The following SHISA9 variants were observed in gnomAD, a reference collection of about 807,000 sequenced individuals.
SHISA9 encodes shisa family member 9, also known as protein shisa-9.
A neutral mutation model predicts 38.0 loss-of-function variants in SHISA9; 13 were observed. The observed-to-expected ratio is 0.34, with a 90% CI of 0.22 to 0.54. The LOEUF is 0.54. Among genes scored for constraint, SHISA9 ranks in the 20% least tolerant of loss-of-function variants. The pLI is 0.91. For missense variants in SHISA9, 538 were observed against 575.8 expected, an observed-to-expected ratio of 0.93 and a Z score of 0.67; for synonymous variants, 275 against 242.0, an observed-to-expected ratio of 1.14 and a Z score of -1.27.
chr16:13,252,913 A>T, the SHISA9 span, among the ~76,000 whole-genome samples: 12 of 152,166 alleles, frequency 7.9e-5, no homozygotes, highest in African/African-American at 2.2e-4. Flanking sequence ...AGGTCCATTT[A>T]TACTTGCATT....
At chr16:13,160,946 A>G (rs1436486061) in intron 2 of SHISA9, among the ~76,000 whole-genome samples, 1 of 152,166 alleles carries the variant, frequency 6.6e-6, no homozygotes, top group Non-Finnish European at 1.5e-5. Context: ...CAGGGTAGAT[A>G]TTGGTATGAA....
At chr16:13,316,415 G>A in the SHISA9 span, among the ~76,000 whole-genome samples, 1 of 152,088 alleles carries the variant, frequency 6.6e-6, no homozygotes, top group Non-Finnish European at 1.5e-5. Flanking sequence ...GTTCTTTATT[G>A]AGTCCAAGTG....
chr16:13,471,121 A>C, the SHISA9 span, among the ~76,000 whole-genome samples: 1 of 152,116 alleles, frequency 6.6e-6, no homozygotes, highest in South Asian at 2.1e-4. Context: ...TGAGGCATTT[A>C]TCCACGGACT....
chr16:13,173,522 C>A (rs549555874), intron 2 of SHISA9, among the ~76,000 whole-genome samples: 1 of 152,182 alleles, frequency 6.6e-6, no homozygotes, highest in African/African-American at 2.4e-5. Context: ...GTGGACCTAA[C>A]AATCTAGATC....
At chr16:13,509,923 G>A in the SHISA9 span, among the ~76,000 whole-genome samples, 1 of 152,122 alleles carries the variant, frequency 6.6e-6, no homozygotes, top group Non-Finnish European at 1.5e-5. Context: ...CTGTGAAGTG[G>A]GAATAATAGT....
chr16:13,217,084 A>T lies in SHISA9; in HGVS notation c.895+3784A>T, dbSNP rs2051176359. On this transcript the variant is annotated intron_variant, in intron 4 of 4. Transcript: ENST00000558583. ...CAGAGGATCGAGACCATCCTGGCTA[A>T]CACGGTGAAACCCCATCTCTACTAA... Among the ~76,000 whole-genome samples the T allele has an allele frequency of 2.0e-5, 3 of 151,478 alleles. No individual in the cohort carries two copies. In the South Asian group the frequency reaches 6.3e-4, roughly 32 times the overall value.
At chr16:12,903,022 CAG>C (rs2071041486) in intron 1 of SHISA9, 2 of 188,528 alleles carry the variant, frequency 1.1e-5, no homozygotes, top group Admixed American at 5.5e-5. Context: ...TTTTGGTAAA[CAG>C]GGGCAGGCGA....
chr16:13,080,814 A>C (rs562768274), intron 2 of SHISA9, among the ~76,000 whole-genome samples: 69 of 152,320 alleles, frequency 4.5e-4, no homozygotes, highest in Admixed American at 2.0e-3. Flanking sequence ...GAGTGGCTTA[A>C]ACAACAAATA....
rs571781536 is a variant in SHISA9 at position 12,914,677 on chromosome 16, T to G, written c.564-2011T>G. 4.6e-5 allele frequency among the ~76,000 whole-genome samples: 7 copies of G among 152,292 alleles called. No individual in the cohort carries two copies. In the South Asian group the frequency reaches 1.5e-3, roughly 32 times the overall value. On this transcript the variant is annotated intron_variant, in intron 1 of 4. Transcript: ENST00000558583. ...TAATCTCTGTCTCACAGCCGAGATG[T>G]CTCCTCACCAGCTCTAGTTCTTACC...
chr16:13,173,158 C>CAA (rs2050702412), intron 2 of SHISA9, among the ~76,000 whole-genome samples: 2 of 114,474 alleles, frequency 1.7e-5, no homozygotes, highest in East Asian at 4.6e-4. Context: ...CGTGCGCACA[C>CAA]ACACACACAC....
chr16:13,198,010 C>G (rs147273771), intron 2 of SHISA9, among the ~76,000 whole-genome samples: 2,184 of 152,132 alleles, frequency 0.014, 54 homozygotes, highest in African/African-American at 0.051. Context: ...CATGGAGAAG[C>G]CCCTTCTCTA....
chr16:13,003,192 G>C (rs949510927), intron 2 of SHISA9, among the ~76,000 whole-genome samples: 8 of 152,152 alleles, frequency 5.3e-5, no homozygotes, highest in Admixed American at 3.3e-4. Flanking sequence ...AGTAGGCAAG[G>C]GTCAAACCCT....
intron 2 of SHISA9, among the ~76,000 whole-genome samples, chr16:13,061,438 G>A (rs1021370490): frequency 1.3e-5 from 2 of 152,164 alleles, no homozygotes; most frequent in Non-Finnish European, 2.9e-5. Context: ...CGCTTCGTCC[G>A]ACAATCTAAG....
the SHISA9 span, among the ~76,000 whole-genome samples, chr16:13,434,101 T>C: frequency 2.0e-5 from 3 of 151,774 alleles, no homozygotes; most frequent in African/African-American, 7.3e-5. Flanking sequence ...GATCCAAGAG[T>C]CCCAAAGCTG....
At chr16:12,908,874 C>G in intron 1 of SHISA9, 1 of 1,090,210 alleles carries the variant, frequency 9.2e-7, no homozygotes, top group Non-Finnish European at 1.1e-6. Context: ...ATTATTTTGT[C>G]CACCTTCAAA....
At chr16:12,962,839 G>A (rs1445378448) in intron 2 of SHISA9, among the ~76,000 whole-genome samples, 2 of 152,202 alleles carry the variant, frequency 1.3e-5, no homozygotes, top group African/African-American at 4.8e-5. Context: ...CCCCTTCCTA[G>A]GTGTATCTTG....
the SHISA9 span, among the ~76,000 whole-genome samples, chr16:13,272,928 C>T: frequency 4.6e-5 from 7 of 151,984 alleles, no homozygotes; most frequent in Admixed American, 6.6e-5. Context: ...GATATTTTTT[C>T]TCTCTCTCTG....
chr16:12,921,116 T>C (rs1385698243), intron 2 of SHISA9, among the ~76,000 whole-genome samples: 2 of 152,256 alleles, frequency 1.3e-5, no homozygotes, highest in Non-Finnish European at 2.9e-5. Flanking sequence ...ACAAAGACTT[T>C]CATATTCCAT....
intron 2 of SHISA9, among the ~76,000 whole-genome samples, chr16:13,156,416 T>C (rs752321945): frequency 5.9e-5 from 9 of 152,176 alleles, no homozygotes; most frequent in African/African-American, 2.2e-4. Flanking sequence ...CACTCATTGA[T>C]AGGTGCAATT....
Sources: allele counts gnomAD v4.1 joint callset (sites outside exome capture counted in the v4.1 genomes callset), GRCh38; gene constraint gnomAD v4.1.1; transcripts MANE v1.5; gene names NCBI Gene and HGNC (gene_info 2026-07-23, HGNC 2026-07-21).